CADM2: variants seen among roughly 807,000 people sequenced by gnomAD.
CADM2 encodes the protein cell adhesion molecule 2, also known as immunoglobulin superfamily member 4D.
Under a neutral mutation model 49.8 loss-of-function variants are expected in CADM2, and 12 were observed. That is an observed-to-expected ratio of 0.24 (90% CI 0.15 to 0.39). CADM2 has a LOEUF of 0.39. Ranked by LOEUF, CADM2 falls within the 10% of genes least tolerant of loss-of-function variation. The pLI is 1.00. For missense variants in CADM2, 378 were observed against 492.3 expected, an observed-to-expected ratio of 0.77 and a Z score of 2.20; for synonymous variants, 214 against 175.4, an observed-to-expected ratio of 1.22 and a Z score of -1.74.
intron 3 of CADM2, among the ~76,000 whole-genome samples, chr3:85,802,852 C>T (rs2072138248): frequency 6.6e-6 from 1 of 151,988 alleles, no homozygotes; most frequent in Non-Finnish European, 1.5e-5. Context: ...AATGTCTAAG[C>T]TTTCATCCAT....
chr3:85,421,879 G>A lies in CADM2; in HGVS notation c.62-304643G>A, dbSNP rs1412075970. Among the ~76,000 whole-genome samples the A allele has an allele frequency of 4.6e-5, 7 of 152,122 alleles. No individual in the cohort carries two copies. The East Asian group carries it at 1.2e-3, about 25-fold the overall frequency. ...GCACTAAGTATCAAAACGAACATTCGTTTTATCTATTTCTTGACATTTTCT... is the reference window on the plus strand; with the variant it reads ...GCACTAAGTATCAAAACGAACATTCATTTTATCTATTTCTTGACATTTTCT... On this transcript the variant is annotated intron_variant, in intron 1 of 9. Coordinates refer to ENST00000383699, the MANE Select transcript of CADM2 (RefSeq NM_001167675.2).
At chr3:85,147,548 C>T (rs543707615) in intron 1 of CADM2, among the ~76,000 whole-genome samples, 2 of 152,040 alleles carry the variant, frequency 1.3e-5, no homozygotes, top group East Asian at 3.9e-4. Context: ...TAATGTAATG[C>T]TATTGATTTA....
intron 5 of CADM2, among the ~76,000 whole-genome samples, chr3:85,889,348 A>G (rs922576505): frequency 1.3e-5 from 2 of 152,148 alleles, no homozygotes; most frequent in African/African-American, 2.4e-5. Context: ...GCCATTAAGC[A>G]CAGGGCATCC....
chr3:85,622,127 G>T (rs974264300), intron 1 of CADM2, among the ~76,000 whole-genome samples: 1 of 152,172 alleles, frequency 6.6e-6, no homozygotes, highest in African/African-American at 2.4e-5. Flanking sequence ...GGAAACTATA[G>T]ATTCTTACAA....
At chr3:85,530,906 AC>A (rs1559890291) in intron 1 of CADM2, among the ~76,000 whole-genome samples, 444 of 136,100 alleles carry the variant, frequency 3.3e-3, no homozygotes, top group African/African-American at 0.014. Flanking sequence ...ACACACACAC[AC>A]ACACACAAAA....
At chr3:85,568,461 T>TTCTTTCTCTC (rs1289388324) in intron 1 of CADM2, among the ~76,000 whole-genome samples, 2 of 15,234 alleles carry the variant, frequency 1.3e-4, no homozygotes, top group Admixed American at 1.6e-3. Context: ...CTTTCTTTCT[T>TTCTTTCTCTC]TCTCTTTCTC....
chr3:85,466,368 A>G (rs755764339), intron 1 of CADM2, among the ~76,000 whole-genome samples: 1 of 152,188 alleles, frequency 6.6e-6, no homozygotes, highest in Non-Finnish European at 1.5e-5. Context: ...TTATTTCAAC[A>G]TTAAAAAAGT....
chr3:85,751,430 G>A (rs1010036981), intron 2 of CADM2, among the ~76,000 whole-genome samples: 1 of 152,076 alleles, frequency 6.6e-6, no homozygotes, highest in African/African-American at 2.4e-5. Flanking sequence ...AAATAAGTAT[G>A]TTTTATAAAA....
intron 3 of CADM2, among the ~76,000 whole-genome samples, chr3:85,815,580 T>C (rs1038329420): frequency 1.3e-5 from 2 of 152,184 alleles, no homozygotes; most frequent in Non-Finnish European, 2.9e-5. Flanking sequence ...AAACTATGTA[T>C]TGATAGAACA....
intron 3 of CADM2, among the ~76,000 whole-genome samples, chr3:85,841,687 A>G (rs995774911): frequency 6.6e-6 from 1 of 152,040 alleles, no homozygotes; most frequent in Non-Finnish European, 1.5e-5. Flanking sequence ...ATTAAGGTTC[A>G]AAAAACATAT....
chr3:85,408,010 C>CAAAAAAAAAAAAAAAAAAAAAAACAAAA (rs372349246), intron 1 of CADM2, among the ~76,000 whole-genome samples: 3 of 56,180 alleles, frequency 5.3e-5, no homozygotes, highest in Non-Finnish European at 9.7e-5. Flanking sequence ...AAAACAAAAC[C>CAAAAAAAAAAAAAAAAAAAAAAACAAAA]AAAAAAAAAA....
At position 85,521,173 on chromosome 3, in the gene CADM2, G is replaced by A. The variant is rs544215012; in HGVS notation, c.62-205349G>A. On this transcript the variant is annotated intron_variant, in intron 1 of 9. Coordinates refer to ENST00000383699, the MANE Select transcript of CADM2 (RefSeq NM_001167675.2). The stretch of plus-strand genomic sequence containing the variant: ...ACTTTTCCTCAAAAATGAAACTCTA[G>A]GAATAAAGCAGCTATTTTAGAACAG... 1.6e-3 allele frequency among the ~76,000 whole-genome samples: 237 copies of A among 152,196 alleles called. 1 individual carries two copies. The highest frequency in any genetic ancestry group is 5.5e-3 in the African/African-American group (229 of 41,562).
chr3:85,967,780 G>T (rs972266658), intron 8 of CADM2, among the ~76,000 whole-genome samples: 1 of 151,556 alleles, frequency 6.6e-6, no homozygotes, highest in African/African-American at 2.4e-5. Context: ...TAGGCAAGGT[G>T]ATCTTTACAG....
chr3:85,459,233 C>G (rs928006605), intron 1 of CADM2, among the ~76,000 whole-genome samples: 1 of 152,068 alleles, frequency 6.6e-6, no homozygotes, highest in Non-Finnish European at 1.5e-5. Flanking sequence ...TGCAGAAGCT[C>G]CAGGAATCTT....
chr3:85,174,401 TAG>T (rs1490047582), intron 1 of CADM2, among the ~76,000 whole-genome samples: 9 of 152,024 alleles, frequency 5.9e-5, no homozygotes, highest in Non-Finnish European at 1.3e-4. Flanking sequence ...TCACTGTTTG[TAG>T]AGAGAATGTT....
At chr3:85,259,308 AGTGAGTTTATTTTTTTAATC>A (rs1559747008) in intron 1 of CADM2, among the ~76,000 whole-genome samples, 2 of 152,090 alleles carry the variant, frequency 1.3e-5, no homozygotes, top group Non-Finnish European at 2.9e-5. Context: ...ACGAACACTA[AGTGAGTTTATTTTTTTAATC>A]GTGTTTAATT....
At chr3:85,736,557 C>T (rs540532141) in intron 2 of CADM2, among the ~76,000 whole-genome samples, 18 of 152,140 alleles carry the variant, frequency 1.2e-4, no homozygotes, top group Admixed American at 7.2e-4. Context: ...TCAAAGGGAA[C>T]GAGGGTTAAA....
At chr3:85,255,372 G>A (rs2042862749) in intron 1 of CADM2, among the ~76,000 whole-genome samples, 1 of 151,980 alleles carries the variant, frequency 6.6e-6, no homozygotes, top group Non-Finnish European at 1.5e-5. Flanking sequence ...GGTGCAACAA[G>A]GCTTAGTTAG....
At chr3:85,722,609 C>A (rs1303144522) in intron 1 of CADM2, among the ~76,000 whole-genome samples, 2 of 152,166 alleles carry the variant, frequency 1.3e-5, no homozygotes, top group Non-Finnish European at 2.9e-5. Context: ...ACAAACACTT[C>A]TAAAGGCACC....
Sources: gnomAD v4.1 joint callset for allele counts (sites outside exome capture counted in the v4.1 genomes callset) on GRCh38, gnomAD v4.1.1 for gene constraint, MANE v1.5 for transcripts, NCBI Gene and HGNC (gene_info 2026-07-23, HGNC 2026-07-21) for gene names.